ITK: variants seen among roughly 807,000 people sequenced by gnomAD.
The protein encoded by ITK is tyrosine-protein kinase ITK/TSK.
In ITK, 45 loss-of-function variants were observed where a neutral mutation model predicts 87.6. The ratio of observed to expected loss-of-function variants is 0.51; its 90% CI spans 0.40 to 0.66. The LOEUF (loss-of-function observed/expected upper bound fraction) is 0.66. Among genes scored for constraint, ITK ranks in the 30% least tolerant of loss-of-function variants. The pLI, the probability that ITK is intolerant of heterozygous loss-of-function variation, is 0.00. For synonymous variants in ITK, 303 were observed against 273.6 expected, an observed-to-expected ratio of 1.11 and a Z score of -1.06; for missense variants, 605 against 766.3, an observed-to-expected ratio of 0.79 and a Z score of 2.48.
At chr5:157,234,709 G>A (rs375917884) in intron 8 of ITK, among the ~76,000 whole-genome samples, 41 of 152,260 alleles carry the variant, frequency 2.7e-4, no homozygotes, top group African/African-American at 9.6e-4. Context: ...ACTCATAAGT[G>A]GGAGATGAAC....
At chr5:157,250,817 A>T (rs1343672517) in intron 16 of ITK, among the ~76,000 whole-genome samples, 1 of 151,748 alleles carries the variant, frequency 6.6e-6, no homozygotes, top group African/African-American at 2.4e-5. Context: ...TCCTTCACTT[A>T]GTAATATGCC....
At chr5:157,217,978 T>C in intron 5 of ITK, 71 bp downstream of exon 5, 2 of 1,299,124 alleles carry the variant, frequency 1.5e-6, no homozygotes, top group South Asian at 1.2e-5. Flanking sequence ...CCTATTTGCA[T>C]GTCCCCCTCT....
chr5:157,200,057 G>GAGAAAA (rs1425854507), intron 1 of ITK, among the ~76,000 whole-genome samples: 1 of 143,244 alleles, frequency 7.0e-6, no homozygotes, highest in Non-Finnish European at 1.5e-5. Context: ...TGTTAAAAAA[G>GAGAAAA]AGAAAAAGAA....
At chr5:157,217,512 G>A (rs1216813294) in intron 4 of ITK, among the ~76,000 whole-genome samples, 6 of 152,108 alleles carry the variant, frequency 3.9e-5, no homozygotes, top group African/African-American at 1.4e-4. Flanking sequence ...GAGCTTAGCA[G>A]GTGGCAGAGA....
intron 1 of ITK, among the ~76,000 whole-genome samples, chr5:157,206,730 T>C (rs1293705282): frequency 6.6e-6 from 1 of 152,196 alleles, no homozygotes; most frequent in Non-Finnish European, 1.5e-5. Flanking sequence ...AGTGGTAACA[T>C]CCTCTTTGTC....
At chr5:157,246,401 A>G (rs1188283651) in intron 15 of ITK, among the ~76,000 whole-genome samples, 1 of 152,198 alleles carries the variant, frequency 6.6e-6, no homozygotes, top group Non-Finnish European at 1.5e-5. Context: ...CTGATCATCT[A>G]TTCTATGCCA....
At chr5:157,246,369 T>C (rs1755020317) in intron 15 of ITK, among the ~76,000 whole-genome samples, 1 of 152,234 alleles carries the variant, frequency 6.6e-6, no homozygotes, top group South Asian at 2.1e-4. Context: ...TAATATTTAT[T>C]CATTCATTCA....
intron 8 of ITK, among the ~76,000 whole-genome samples, chr5:157,233,483 G>C (rs1754700075): frequency 6.6e-6 from 1 of 152,072 alleles, no homozygotes; most frequent in South Asian, 2.1e-4. Context: ...TTTCCTGTGG[G>C]TTCCCCAAAA....
chr5:157,244,490 C>T lies in ITK; in HGVS notation c.1449+12C>T, dbSNP rs1289216723. On this transcript the variant is annotated intron_variant, in intron 13 of 16. Transcript: ENST00000422843. ...TCCACAGAGACTTGGTATGAGCATG[C>T]AGGGTGAACACCCACAGGTCCAGGG... The T allele has an allele frequency of 6.1e-6, 9 of 1,482,240 alleles. No homozygotes were observed. In the South Asian group the frequency reaches 1.0e-4, roughly 17 times the overall value. The allele number at this position is 1,482,240 out of a possible 1,614,324, so 91.8% of individuals were successfully genotyped here.
At position 157,249,908 on chromosome 5, in the gene ITK, C is replaced by T. The variant is rs572386124; in HGVS notation, c.1791+901C>T. Among the ~76,000 whole-genome samples, 5 of 152,120 alleles carry T rather than the reference C, an allele frequency of 3.3e-5. No individual in the cohort carries two copies. The East Asian group carries it at 7.7e-4, about 23-fold the overall frequency. ...GCTGACATTCAGTTGGCACTTTTTC[C>T]CTCTTTTAACCATCATTTATTGATT... On this transcript the variant is annotated intron_variant, in intron 16 of 16. Transcript: ENST00000422843.
At chr5:157,194,142 C>G (rs570440042) in intron 1 of ITK, among the ~76,000 whole-genome samples, 1 of 152,246 alleles carries the variant, frequency 6.6e-6, no homozygotes, top group South Asian at 2.1e-4. Flanking sequence ...GTCCTGATAT[C>G]TCTGTGGTTA....
At position 157,253,127 on chromosome 5, in the gene ITK, G is replaced by C. The variant is rs557372536; in HGVS notation, c.*449G>C. ...ACAGTATCCCAGGATATGGAGGCAAGGGGAACAAAGAGCATGAGTCTTTTT... is the reference window on the plus strand; with the variant it reads ...ACAGTATCCCAGGATATGGAGGCAACGGGAACAAAGAGCATGAGTCTTTTT... On this transcript the variant is annotated 3_prime_UTR_variant, in exon 17 of 17. Transcript: ENST00000422843. The C allele has an allele frequency of 3.8e-4, 115 of 305,842 alleles. No individual in the cohort carries two copies. The highest frequency in any genetic ancestry group is 2.3e-3 in the African/African-American group (113 of 48,562). The allele number at this position is 305,842 out of a possible 1,614,324, so 18.9% of individuals were successfully genotyped here.
chr5:157,234,446 C>T (rs886319909), intron 8 of ITK, among the ~76,000 whole-genome samples: 1 of 152,126 alleles, frequency 6.6e-6, no homozygotes, highest in Non-Finnish European at 1.5e-5. Context: ...GTTTTTGAAA[C>T]AATAGCTGTA....
intron 2 of ITK, among the ~76,000 whole-genome samples, chr5:157,209,326 G>T (rs1217226582): frequency 3.1e-5 from 4 of 128,234 alleles, no homozygotes; most frequent in Non-Finnish European, 4.7e-5. Context: ...GTGAGACTCC[G>T]TCAAAAAAAA....
chr5:157,245,549 T>G (rs1755003637), intron 13 of ITK, 177 bp from the exon 14 acceptor site: 2 of 671,824 alleles, frequency 3.0e-6, no homozygotes, highest in Non-Finnish European at 5.4e-6. Flanking sequence ...CATTCAACTT[T>G]CCAGTTAACT....
chr5:157,237,388 G>A (rs1425112741), intron 8 of ITK, among the ~76,000 whole-genome samples: 1 of 152,238 alleles, frequency 6.6e-6, no homozygotes, highest in African/African-American at 2.4e-5. Flanking sequence ...AAGTTGGAAG[G>A]AATGGAGAGT....
chr5:157,245,440 G>A, intron 13 of ITK: 2 of 515,728 alleles, frequency 3.9e-6, no homozygotes, highest in Non-Finnish European at 7.0e-6. Context: ...ATCACATCAG[G>A]TTGCATTAGA....
intron 13 of ITK, chr5:157,245,323 C>A: frequency 3.0e-6 from 1 of 334,488 alleles, no homozygotes; most frequent in Non-Finnish European, 5.8e-6. Flanking sequence ...GTCAGGTACT[C>A]TCCCTATTGA....
At chr5:157,228,727 T>C (rs566752837) in intron 7 of ITK, among the ~76,000 whole-genome samples, 2 of 149,574 alleles carry the variant, frequency 1.3e-5, no homozygotes, top group African/African-American at 4.9e-5. Flanking sequence ...CTCAACCTAC[T>C]GGGCTCAAGC....
Sources: allele counts gnomAD v4.1 joint callset (sites outside exome capture counted in the v4.1 genomes callset), GRCh38; gene constraint gnomAD v4.1.1; transcripts MANE v1.5; gene names NCBI Gene and HGNC (gene_info 2026-07-23, HGNC 2026-07-21).